The following RAB28 variants were observed in gnomAD, a reference collection of about 807,000 sequenced individuals.
The protein encoded by RAB28 is ras-related protein Rab-28.
Under a neutral mutation model 31.7 loss-of-function variants are expected in RAB28, and 24 were observed. That is an observed-to-expected ratio of 0.76 (90% confidence interval 0.55 to 1.06). The LOEUF (loss-of-function observed/expected upper bound fraction) is 1.06. RAB28 is among the 50% of genes least tolerant of loss of function. RAB28 has a pLI of 0.00. For synonymous variants in RAB28, 100 were observed against 90.4 expected (o/e 1.11, Z -0.60); for missense variants, 254 against 258.5 (o/e 0.98, Z 0.12).
intron 2 of RAB28, 89 bp from the exon 3 acceptor site, chr4:13,474,495 G>C: frequency 2.7e-6 from 2 of 738,626 alleles, no homozygotes; most frequent in Non-Finnish European, 2.1e-6. Flanking sequence ...AGAATACTAA[G>C]TCACAATAAG....
At chr4:13,391,382 A>G (rs1044180913) in intron 4 of RAB28, among the ~76,000 whole-genome samples, 9 of 152,164 alleles carry the variant, frequency 5.9e-5, no homozygotes, top group African/African-American at 1.7e-4. Flanking sequence ...TTAGAATGGC[A>G]ATCATTAAAA....
chr4:13,427,618 G>A (rs914028825), intron 4 of RAB28, among the ~76,000 whole-genome samples: 1 of 152,134 alleles, frequency 6.6e-6, no homozygotes, highest in African/African-American at 2.4e-5. Flanking sequence ...AAATCTGTAT[G>A]GGTTTCCTTC....
intron 4 of RAB28, among the ~76,000 whole-genome samples, chr4:13,394,297 G>C (rs1051723460): frequency 2.6e-5 from 4 of 152,082 alleles, no homozygotes; most frequent in African/African-American, 9.7e-5. Context: ...ATAATTTTGG[G>C]GTAAAACTGC....
chr4:13,414,003 T>C (rs1163039026), intron 4 of RAB28, among the ~76,000 whole-genome samples: 1 of 152,144 alleles, frequency 6.6e-6, no homozygotes, highest in Non-Finnish European at 1.5e-5. Context: ...CAATGACACA[T>C]GGGTATATGG....
rs533177055 is a variant in RAB28 at position 13,401,440 on chromosome 4, G to A, written c.392-19846C>T. ...TACCTAATGTAGGTGACGGGTTGAT[G>A]GGTGCAGCAAACCACTATGGCATGT... On this transcript the variant is annotated intron_variant, in intron 4 of 6. Transcript: ENST00000330852. Among the ~76,000 whole-genome samples, 14 of 152,188 alleles carry A rather than the reference G, an allele frequency of 9.2e-5. No individual in the cohort carries two copies. The East Asian group carries it at 2.5e-3, about 27-fold the overall frequency.
chr4:13,393,220 T>C (rs572293834), intron 4 of RAB28, among the ~76,000 whole-genome samples: 6 of 152,274 alleles, frequency 3.9e-5, no homozygotes, highest in East Asian at 3.9e-4. Flanking sequence ...AGAAGCCATG[T>C]CACAGAGAAA....
chr4:13,383,727 T>G (rs1729237112), intron 4 of RAB28, among the ~76,000 whole-genome samples: 2 of 152,320 alleles, frequency 1.3e-5, no homozygotes, highest in Middle Eastern at 3.4e-3. Context: ...AAATAAGTTC[T>G]CATGAGATCT....
At chr4:13,426,414 T>C (rs377350891) in intron 4 of RAB28, among the ~76,000 whole-genome samples, 11 of 151,872 alleles carry the variant, frequency 7.2e-5, no homozygotes, top group Non-Finnish European at 1.6e-4. Context: ...GAAAAAAAAA[T>C]AGATGCTTTC....
At chr4:13,415,969 G>A (rs1347441573) in intron 4 of RAB28, among the ~76,000 whole-genome samples, 3 of 152,118 alleles carry the variant, frequency 2.0e-5, no homozygotes, top group Non-Finnish European at 4.4e-5. Flanking sequence ...TCTGGCTCAG[G>A]GTTTGTGAAT....
intron 4 of RAB28, among the ~76,000 whole-genome samples, chr4:13,423,442 G>A (rs984126635): frequency 3.3e-5 from 5 of 150,708 alleles, no homozygotes; most frequent in African/African-American, 1.2e-4. Context: ...GAGGCTGCAC[G>A]CCATTTCACT....
chr4:13,458,629 C>T (rs1172173897), intron 4 of RAB28, among the ~76,000 whole-genome samples: 1 of 152,106 alleles, frequency 6.6e-6, no homozygotes, highest in Non-Finnish European at 1.5e-5. Flanking sequence ...TGTTGCATAA[C>T]AATGTTTCTA....
At chr4:13,453,027 T>C (rs1715058084) in intron 4 of RAB28, among the ~76,000 whole-genome samples, 1 of 152,146 alleles carries the variant, frequency 6.6e-6, no homozygotes, top group East Asian at 1.9e-4. Context: ...TATGATGTCC[T>C]CCTTTGTCTC....
intron 4 of RAB28, among the ~76,000 whole-genome samples, chr4:13,427,372 G>T (rs1713562382): frequency 6.6e-6 from 1 of 152,204 alleles, no homozygotes; most frequent in Non-Finnish European, 1.5e-5. Flanking sequence ...CACAATGAAT[G>T]TCAGACAAGA....
chr4:13,381,440 G>T, intron 5 of RAB28, 51 bp downstream of exon 5: 1 of 1,301,380 alleles, frequency 7.7e-7, no homozygotes, highest in Non-Finnish European at 1.1e-6. Context: ...TCCTAGGAAT[G>T]TTAGTAAATA....
At chr4:13,423,443 C>T (rs1258554386) in intron 4 of RAB28, among the ~76,000 whole-genome samples, 2 of 149,556 alleles carry the variant, frequency 1.3e-5, no homozygotes, top group African/African-American at 4.9e-5. Context: ...AGGCTGCACG[C>T]CATTTCACTC....
chr4:13,373,074 T>C (rs752828709), intron 6 of RAB28, among the ~76,000 whole-genome samples: 56 of 152,144 alleles, frequency 3.7e-4, no homozygotes, highest in Non-Finnish European at 6.3e-4. Context: ...GGCTTAAAAA[T>C]GTATTAAGAA....
intron 5 of RAB28, among the ~76,000 whole-genome samples, chr4:13,378,242 C>T (rs887620054): frequency 3.3e-5 from 5 of 152,044 alleles, no homozygotes; most frequent in African/African-American, 1.2e-4. Flanking sequence ...AACCAGGAGG[C>T]GTTGTATCCT....
intron 3 of RAB28, among the ~76,000 whole-genome samples, chr4:13,470,046 A>C (rs1716046273): frequency 1.3e-5 from 2 of 152,074 alleles, no homozygotes; most frequent in Non-Finnish European, 2.9e-5. Context: ...AGTCTTGTAA[A>C]GCATTGCATA....
At chr4:13,441,976 G>A (rs1714440401) in intron 4 of RAB28, among the ~76,000 whole-genome samples, 2 of 152,092 alleles carry the variant, frequency 1.3e-5, no homozygotes, top group African/African-American at 4.8e-5. Flanking sequence ...CAGTAAAAAA[G>A]ATAAATATGC....
Sources: allele counts gnomAD v4.1 joint callset (sites outside exome capture counted in the v4.1 genomes callset), GRCh38; gene constraint gnomAD v4.1.1; transcripts MANE v1.5; gene names NCBI Gene and HGNC (gene_info 2026-07-23, HGNC 2026-07-21).